ACAT2: variants seen among roughly 807,000 people sequenced by gnomAD.
The protein encoded by ACAT2 is acetyl-CoA acetyltransferase, cytosolic.
A neutral mutation model predicts 37.1 loss-of-function variants in ACAT2; 26 were observed. The ratio of observed to expected loss-of-function variants is 0.70; its 90% confidence interval spans 0.51 to 0.97. The LOEUF (loss-of-function observed/expected upper bound fraction) is 0.97, where lower values mean the gene tolerates loss of function less well. Among genes scored for constraint, ACAT2 ranks in the 50% least tolerant of loss-of-function variants. ACAT2 has a pLI of 0.00. For synonymous variants in ACAT2, 156 were observed against 163.6 expected (o/e 0.95, Z 0.35); for missense variants, 468 against 489.0 (o/e 0.96, Z 0.40).
chr6:159,778,509 A>G (rs1195196487), intron 8 of ACAT2, 150 bp from the exon 9 acceptor site: 7 of 888,404 alleles, frequency 7.9e-6, no homozygotes, highest in Non-Finnish European at 9.9e-6. Flanking sequence ...GAATTTTCAC[A>G]AAGGTGTAAA....
chr6:159,772,207 A>G (rs1443900519), intron 4 of ACAT2, among the ~76,000 whole-genome samples: 1 of 152,218 alleles, frequency 6.6e-6, no homozygotes, highest in African/African-American at 2.4e-5. Flanking sequence ...AGCCTGGGCA[A>G]CAAGAATGAA....
At chr6:159,778,400 C>T (rs1002941285) in intron 8 of ACAT2, 120 bp downstream of exon 8, 2 of 552,452 alleles carry the variant, frequency 3.6e-6, no homozygotes, top group Non-Finnish European at 5.8e-6. Flanking sequence ...GTTACTAGGA[C>T]TGAGTTCATT....
In ACAT2 at chr6:159,779,077, C is replaced by T. The variant is rs139224838; in HGVS notation, c.*248C>T. On this transcript the variant is annotated 3_prime_UTR_variant, in exon 9 of 9. Transcript: ENST00000367048. ...TTAAGGGCTCCAGAGTGAACAGCAT[C>T]TTCATAACTTCCATGTTTATCATCT... 18 of 1,613,946 alleles carry T rather than the reference C, an allele frequency of 1.1e-5. No homozygotes were observed. The highest frequency in any genetic ancestry group is 1.0e-5 in the Non-Finnish European group (12 of 1,179,960).
chr6:159,762,439 C>T, intron 1 of ACAT2: 2 of 1,356,830 alleles, frequency 1.5e-6, no homozygotes, highest in Non-Finnish European at 1.9e-6. Flanking sequence ...AGGTGTTCTC[C>T]TCCGGGGCCC....
At position 159,778,902 on chromosome 6, in the gene ACAT2, G is replaced by A. The variant is rs186870171; in HGVS notation, c.*73G>A. ...TACTAGGTTGCAATATGTGAAATCA[G>A]AGGACCAAAGTACAGATGGAAACCA... On this transcript the variant is annotated 3_prime_UTR_variant, in exon 9 of 9. Coordinates refer to ENST00000367048, the MANE Select transcript of ACAT2 (RefSeq NM_005891.3). The A allele has an allele frequency of 6.3e-7, 1 of 1,596,784 alleles. No individual in the cohort carries two copies. Among genetic ancestry groups the A allele is most frequent in the African/African-American group, 1.3e-5 (1 of 74,676 alleles).
Position 159,762,051 on chromosome 6 carries a change from C to A in ACAT2, c.-37C>A, listed in dbSNP as rs201343305. 7.8e-5 allele frequency: 126 copies of A among 1,609,342 alleles called. No individual in the cohort carries two copies. The East Asian group carries it at 1.6e-3, about 21-fold the overall frequency. ...GCGAGGAGGAGCTTTGCCTAGCTTGCAGGCAGCGCAGGGCAGACGGCGGCA... is the reference window on the plus strand; with the variant it reads ...GCGAGGAGGAGCTTTGCCTAGCTTGAAGGCAGCGCAGGGCAGACGGCGGCA... On this transcript the variant is annotated 5_prime_UTR_variant, in exon 1 of 9. Coordinates refer to ENST00000367048, the MANE Select transcript of ACAT2 (RefSeq NM_005891.3).
intron 1 of ACAT2, 197 bp downstream of exon 1, chr6:159,762,339 C>G (rs370253154): frequency 2.0e-5 from 25 of 1,241,968 alleles, no homozygotes; most frequent in African/African-American, 3.1e-5. Context: ...CCTCTCCTCT[C>G]CCGATGTGCG....
chr6:159,772,005 C>G (rs1468032296), intron 4 of ACAT2, among the ~76,000 whole-genome samples: 1 of 152,166 alleles, frequency 6.6e-6, no homozygotes, highest in Non-Finnish European at 1.5e-5. Flanking sequence ...GCGGGCGGAT[C>G]ATGAGGTCAG....
At chr6:159,768,714 TTATGGCCAGAGAC>T in intron 4 of ACAT2, 86 bp downstream of exon 4, 1 of 859,404 alleles carries the variant, frequency 1.2e-6, no homozygotes, top group African/African-American at 1.7e-5. Context: ...GCTTTCGTCC[TTATGGCCAGAGAC>T]TGTCTTAAGG....
At position 159,768,689 on chromosome 6, in the gene ACAT2, A is replaced by G. The variant is rs1583127156; in HGVS notation, c.490+61A>G. ...AAAAGGTTAAAAAGACCATATACTA[A>G]TCTGCTTCTTAGGTGCTTTCGTCCT... On this transcript the variant is annotated intron_variant, in intron 4 of 8. Transcript: ENST00000367048. 5.8e-6 allele frequency: 7 copies of G among 1,212,320 alleles called. No homozygotes were observed. The East Asian group carries it at 1.2e-4, about 20-fold the overall frequency. 75.1% of individuals were successfully genotyped at this position (1,212,320 alleles called of 1,614,324 possible).
chr6:159,766,949 G>C lies in ACAT2; in HGVS notation c.191-56G>C. The C allele has an allele frequency of 3.1e-6, 5 of 1,602,452 alleles. No individual in the cohort carries two copies. The East Asian group carries it at 8.9e-5, about 29-fold the overall frequency. Reference sequence around the variant, plus strand: ...TGGCAATTTTCCACACACTTTCACTGTGACATTTTGTCTTTCTCCTTGATT... The same window carrying C: ...TGGCAATTTTCCACACACTTTCACTCTGACATTTTGTCTTTCTCCTTGATT... On this transcript the variant is annotated intron_variant, in intron 2 of 8. Coordinates refer to ENST00000367048, the MANE Select transcript of ACAT2 (RefSeq NM_005891.3).
At chr6:159,777,274 T>C in intron 6 of ACAT2, 28 bp from the exon 7 acceptor site, 6 of 1,602,528 alleles carry the variant, frequency 3.7e-6, no homozygotes, top group Non-Finnish European at 5.1e-6. Context: ...ATAAGCATGG[T>C]AGAAATTAAG....
intron 3 of ACAT2, among the ~76,000 whole-genome samples, 160 bp from the exon 4 acceptor site, chr6:159,768,351 G>A (rs1780286385): frequency 6.6e-6 from 1 of 152,104 alleles, no homozygotes; most frequent in South Asian, 2.1e-4. Context: ...AATTCCAGGG[G>A]TCTTTAGACC....
At chr6:159,762,213 C>T (rs1427499214) in intron 1 of ACAT2, 71 bp downstream of exon 1, 2 of 1,531,382 alleles carry the variant, frequency 1.3e-6, no homozygotes, top group African/African-American at 2.8e-5. Flanking sequence ...GAGGGCCGGA[C>T]TTGTGTAGGA....
chr6:159,763,816 G>A (rs908771079), intron 2 of ACAT2, among the ~76,000 whole-genome samples: 1 of 150,238 alleles, frequency 6.7e-6, no homozygotes, highest in East Asian at 2.0e-4. Flanking sequence ...TACGAAGCAG[G>A]GCCGGCCGGG....
chr6:159,778,622 G>A (rs1780488633), intron 8 of ACAT2, 37 bp from the exon 9 acceptor site: 3 of 1,603,716 alleles, frequency 1.9e-6, no homozygotes, highest in Non-Finnish European at 1.7e-6. Flanking sequence ...TGTGTCCACA[G>A]AAGAATAAAC....
Position 159,776,203 on chromosome 6 carries a change from G to C in ACAT2, c.688G>C (p.Ala230Pro). The change falls in exon 6 of 9, where the codon GCC becomes CCC. Residue 230 changes from alanine (A) to proline (P), a missense_variant. Coordinates refer to ENST00000367048, the MANE Select transcript of ACAT2 (RefSeq NM_005891.3). ...TCCTCGCCATGGGAGCAACATAGAA[G>C]CCATGTCCAAGCTAAAGCCTTACTT... is the stretch of plus-strand genomic sequence containing the variant. Reference protein sequence around the residue: ...EFPRHGSNIEAMSKLKPYFLT... With the variant: ...EFPRHGSNIEPMSKLKPYFLT... The C allele has an allele frequency of 3.7e-6, 6 of 1,614,096 alleles. No individual in the cohort carries two copies. The highest frequency in any genetic ancestry group is 5.1e-6 in the Non-Finnish European group (6 of 1,179,980).
intron 4 of ACAT2, among the ~76,000 whole-genome samples, chr6:159,771,627 G>A (rs1321998336): frequency 2.0e-5 from 3 of 151,848 alleles, no homozygotes; most frequent in Admixed American, 1.3e-4. Context: ...CTCCAGTCTG[G>A]GCAACAGAGT....
At position 159,778,781 on chromosome 6, in the gene ACAT2, G is replaced by A. The variant is rs772177795; in HGVS notation, c.1146G>A (p.Leu382=). 37 of 1,614,124 alleles carry A rather than the reference G, an allele frequency of 2.3e-5. No homozygotes were observed. The East Asian group carries it at 8.0e-4, about 35-fold the overall frequency. Residue 382 remains leucine (L), a synonymous_variant, in exon 9 of 9, where the codon CTG becomes CTA. Coordinates refer to ENST00000367048, the MANE Select transcript of ACAT2 (RefSeq NM_005891.3). ...RMGRSRGVAA[L]CIGGGMGIAM... ...GCAGAAGTCGTGGTGTTGCAGCCCT[G>A]TGCATTGGGGGTGGGATGGGAATAG...
Sources: gnomAD v4.1 joint callset for allele counts (sites outside exome capture counted in the v4.1 genomes callset) on GRCh38, gnomAD v4.1.1 for gene constraint, MANE v1.5 for transcripts, NCBI Gene and HGNC (gene_info 2026-07-23, HGNC 2026-07-21) for gene names.